Variants in GALNT15 observed in about 807,000 individuals in gnomAD.
The protein encoded by GALNT15 is polypeptide N-acetylgalactosaminyltransferase 15.
GALNT15 carries 67 observed loss-of-function variants against 66.8 expected under a neutral mutation model. That is an observed-to-expected ratio of 1.00 (90% CI 0.82 to 1.23). GALNT15 has a LOEUF of 1.23. Ranked by LOEUF, GALNT15 falls within the 50% of genes most tolerant of loss-of-function variation. GALNT15 has a pLI of 0.00. For synonymous variants in GALNT15, 313 were observed against 311.5 expected, an observed-to-expected ratio of 1.00 and a Z score of -0.05; for missense variants, 827 against 804.3, an observed-to-expected ratio of 1.03 and a Z score of -0.34.
In GALNT15 at chr3:16,195,881, GCCTTCCTGAA is replaced by G; in HGVS notation, c.662_671del (p.Ala221GlyfsTer29). 1 of 1,614,132 alleles carries G rather than the reference GCCTTCCTGAA, an allele frequency of 6.2e-7. No individual in the cohort carries two copies. On this transcript the variant is annotated frameshift_variant, in exon 2 of 10. Coordinates refer to ENST00000339732, the MANE Select transcript of GALNT15 (RefSeq NM_054110.5). LOFTEE classifies it high-confidence loss of function. The surrounding 1 kb of genome is among the most constrained non-coding windows in gnomAD (Gnocchi z 4.6). ...CAGCATCCTCGACACAGTGCCCAGG[GCCTTCCTGAA>G]GGAGATCATCCTCGTGGACGACCTC...
intron 9 of GALNT15, among the ~76,000 whole-genome samples, chr3:16,223,969 A>T (rs188365829): frequency 6.6e-6 from 1 of 152,174 alleles, no homozygotes; most frequent in Non-Finnish European, 1.5e-5. Flanking sequence ...CCGGGATTAC[A>T]GTTGTCAGCC....
chr3:16,216,001 G>T (rs1224504887), intron 6 of GALNT15, among the ~76,000 whole-genome samples: 3 of 151,854 alleles, frequency 2.0e-5, no homozygotes, highest in African/African-American at 7.3e-5. Flanking sequence ...GGCAGGAAGA[G>T]TATTTATTCT....
rs1271272594 is a variant in GALNT15, at chr3:16,180,234, A to G, written c.539+4544A>G. Among the ~76,000 whole-genome samples the G allele has an allele frequency of 1.3e-5, 2 of 152,200 alleles. No homozygotes were observed. Among genetic ancestry groups the G allele is most frequent in the Admixed American group, 1.3e-4 (2 of 15,280 alleles). ...TGCTGCTGCTGCTCCCAATCCAGAGACACTTTGAGAACCTCTGCTCTAAGG... is the reference window on the plus strand; with the variant it reads ...TGCTGCTGCTGCTCCCAATCCAGAGGCACTTTGAGAACCTCTGCTCTAAGG... On this transcript the variant is annotated intron_variant, in intron 1 of 9. Transcript: ENST00000339732. The surrounding 1 kb of genome is among the most constrained non-coding windows in gnomAD (Gnocchi z 5.0).
chr3:16,208,119 T>A (rs1216320881), intron 3 of GALNT15, among the ~76,000 whole-genome samples: 1 of 152,156 alleles, frequency 6.6e-6, no homozygotes, highest in African/African-American at 2.4e-5. Context: ...GGAAAAACAT[T>A]TTCTAGAACT....
intron 1 of GALNT15, among the ~76,000 whole-genome samples, chr3:16,185,523 G>C (rs1040083641): frequency 2.6e-5 from 4 of 152,200 alleles, no homozygotes; most frequent in Non-Finnish European, 5.9e-5. Flanking sequence ...CTGAGAGCAC[G>C]ATGACAAGCA....
chr3:16,175,185 T>C lies in GALNT15; in HGVS notation c.34T>C (p.Cys12Arg), dbSNP rs765883257. The change falls in exon 1 of 10, where the codon TGC (cysteine) becomes CGC (arginine). Residue 12 changes from cysteine to arginine, a missense_variant. By Grantham distance (180) the Cys-to-Arg change is radical. Transcript: ENST00000339732. The surrounding 1 kb of genome is among the most constrained non-coding windows in gnomAD (Gnocchi z 5.6). ...AAGGAAGCGATACAGGCACAGACCA[T>C]GCAGACTCCAGTTCCTCCTGCTGCT... ...LLRKRYRHRP[C>R]RLQFLLLLLM... The C allele has an allele frequency of 6.2e-6, 10 of 1,614,162 alleles. 1 individual carries two copies. In the South Asian group the frequency reaches 6.6e-5, roughly 11 times the overall value.
Position 16,175,190 on chromosome 3 carries a change from A to T in GALNT15, c.39A>T (p.Arg13Ser). 1 of 1,613,910 alleles carries T rather than the reference A, an allele frequency of 6.2e-7. No homozygotes were observed. Among genetic ancestry groups the T allele is most frequent in the Non-Finnish European group, 8.5e-7 (1 of 1,179,962 alleles). Residue 13 changes from arginine (R) to serine (S), a missense_variant, in exon 1 of 10, where the codon AGA (arginine) becomes AGT (serine). Transcript: ENST00000339732. The surrounding 1 kb of genome is among the most constrained non-coding windows in gnomAD (Gnocchi z 5.6). ...LRKRYRHRPC[R>S]LQFLLLLLML... ...AGCGATACAGGCACAGACCATGCAG[A>T]CTCCAGTTCCTCCTGCTGCTCCTGA...
At chr3:16,223,129 T>C (rs1383737033) in intron 9 of GALNT15, among the ~76,000 whole-genome samples, 1 of 151,736 alleles carries the variant, frequency 6.6e-6, no homozygotes, top group Non-Finnish European at 1.5e-5. Flanking sequence ...TCAAAGTCCC[T>C]CCCCCCACCA....
At chr3:16,223,016 A>T (rs2063963862) in intron 9 of GALNT15, among the ~76,000 whole-genome samples, 1 of 152,076 alleles carries the variant, frequency 6.6e-6, no homozygotes, top group South Asian at 2.1e-4. Context: ...AGAGAGAGGG[A>T]TACACCTCTT....
intron 9 of GALNT15, 32 bp downstream of exon 9, chr3:16,222,790 T>A: frequency 6.2e-7 from 1 of 1,610,622 alleles, no homozygotes; most frequent in Non-Finnish European, 8.5e-7. Context: ...AGCCTGGTAG[T>A]GCTGCTGGTC....
rs977325971 is a variant in GALNT15, at chr3:16,195,344, C to T, written c.540-416C>T. 1.3e-5 allele frequency among the ~76,000 whole-genome samples: 2 copies of T among 152,154 alleles called. No homozygotes were observed. Among genetic ancestry groups the T allele is most frequent in the African/African-American group, 4.8e-5 (2 of 41,386 alleles). ...GAAATGCAAATTCTTCAGCCCCACTCCATCTCCAGAAACTCTGGGGGTGGG... is the reference window on the plus strand; with the variant it reads ...GAAATGCAAATTCTTCAGCCCCACTTCATCTCCAGAAACTCTGGGGGTGGG... On this transcript the variant is annotated intron_variant, in intron 1 of 9. Transcript: ENST00000339732. The surrounding 1 kb of genome is among the most constrained non-coding windows in gnomAD (Gnocchi z 4.6).
chr3:16,225,537 A>G lies in GALNT15; in HGVS notation c.1774-1817A>G, dbSNP rs928973389. 6.6e-6 allele frequency among the ~76,000 whole-genome samples: 1 copy of G among 151,204 alleles called. No homozygotes were observed. The highest frequency in any genetic ancestry group is 1.5e-5 in the Non-Finnish European group (1 of 67,812). On this transcript the variant is annotated intron_variant, in intron 9 of 9. Transcript: ENST00000339732. The surrounding 1 kb of genome is among the most constrained non-coding windows in gnomAD (Gnocchi z 4.4). ...TGGTGAAACCCCGTTTCTACTAAAA[A>G]CACAAAAACTAGCCAGGTGTGGTGG...
chr3:16,229,800 T>C lies in GALNT15; in HGVS notation c.*2300T>C. ...AGGACCCAGATGGCTTATTGCCTAA[T>C]TGGGTGAACAAAGCAAGAATATGGT... is the stretch of plus-strand genomic sequence containing the variant. On this transcript the variant is annotated 3_prime_UTR_variant, in exon 10 of 10. Coordinates refer to ENST00000339732, the MANE Select transcript of GALNT15 (RefSeq NM_054110.5). 1.1e-6 allele frequency: 1 copy of C among 934,528 alleles called. No individual in the cohort carries two copies. The highest frequency in any genetic ancestry group is 1.3e-6 in the Non-Finnish European group (1 of 783,384). 57.9% of individuals were successfully genotyped at this position (934,528 alleles called of 1,614,324 possible).
intron 2 of GALNT15, among the ~76,000 whole-genome samples, chr3:16,197,721 A>G (rs2063654056): frequency 6.6e-6 from 1 of 152,226 alleles, no homozygotes; most frequent in South Asian, 2.1e-4. Context: ...TCATTAAATC[A>G]GAAAATGCTT....
chr3:16,191,322 C>T lies in GALNT15; in HGVS notation c.540-4438C>T, dbSNP rs1350361907. The T allele has an allele frequency of 1.0e-6, 1 of 985,118 alleles. No individual in the cohort carries two copies. The highest frequency in any genetic ancestry group is 1.1e-4 in the East Asian group (1 of 8,832). The allele number at this position is 985,118 out of a possible 1,614,324, so 61.0% of individuals were successfully genotyped here. A position where few individuals can be genotyped will look rare whatever the true frequency, so the allele number is the denominator to read the frequency against. On this transcript the variant is annotated intron_variant, in intron 1 of 9. Coordinates refer to ENST00000339732, the MANE Select transcript of GALNT15 (RefSeq NM_054110.5). The surrounding 1 kb of genome is among the most constrained non-coding windows in gnomAD (Gnocchi z 5.2). ...AAGGCTGGAAGAGCCTGAGAGGTAC[C>T]TCTTGTAGTAATGGGACATCTGTTA...
intron 8 of GALNT15, 25 bp downstream of exon 8, chr3:16,220,039 G>T: frequency 6.4e-7 from 1 of 1,552,162 alleles, no homozygotes; most frequent in Non-Finnish European, 8.9e-7. Flanking sequence ...TTCTCAGGAT[G>T]GATGATAGCC....
intron 1 of GALNT15, among the ~76,000 whole-genome samples, chr3:16,185,337 C>A (rs1385696121): frequency 6.6e-6 from 1 of 152,200 alleles, no homozygotes; most frequent in Non-Finnish European, 1.5e-5. Flanking sequence ...GGAGGAAGCA[C>A]ACTGTTGCTC....
chr3:16,206,378 TAAAA>T (rs139313760), intron 3 of GALNT15, among the ~76,000 whole-genome samples: 14 of 133,440 alleles, frequency 1.0e-4, no homozygotes, highest in African/African-American at 3.9e-4. Flanking sequence ...TGAGACCATT[TAAAA>T]AAAAAAAAAG....
At chr3:16,218,909 G>A (rs1161108703) in intron 6 of GALNT15, among the ~76,000 whole-genome samples, 1 of 150,346 alleles carries the variant, frequency 6.7e-6, no homozygotes, top group Admixed American at 6.7e-5. Context: ...CTGCCTCCTG[G>A]GTTCAAGTGA....
Sources: allele counts gnomAD v4.1 joint callset (sites outside exome capture counted in the v4.1 genomes callset), GRCh38; gene constraint gnomAD v4.1.1; non-coding constraint Gnocchi (gnomAD v3.1); transcripts MANE v1.5; gene names NCBI Gene and HGNC (gene_info 2026-07-23, HGNC 2026-07-21).